CLYBL: variants seen among roughly 807,000 people sequenced by gnomAD.
CLYBL encodes citramalyl-CoA lyase, mitochondrial.
CLYBL carries 31 observed loss-of-function variants against 38.9 expected under a neutral mutation model. The observed-to-expected ratio is 0.80, with a 90% confidence interval of 0.60 to 1.08. The LOEUF is 1.08. Among genes scored for constraint, CLYBL ranks in the 50% least tolerant of loss-of-function variants. The pLI is 0.00. For missense variants in CLYBL, 434 were observed against 411.6 expected, an observed-to-expected ratio of 1.05 and a Z score of -0.47; for synonymous variants, 171 against 158.6, an observed-to-expected ratio of 1.08 and a Z score of -0.59.
intron 2 of CLYBL, among the ~76,000 whole-genome samples, chr13:99,850,383 G>A (rs140792103): frequency 1.3e-5 from 2 of 152,308 alleles, no homozygotes; most frequent in African/African-American, 4.8e-5. Context: ...AAGATAAACA[G>A]ATGGCCAATA....
chr13:99,738,880 A>G (rs1054435178), intron 1 of CLYBL, among the ~76,000 whole-genome samples: 3 of 152,146 alleles, frequency 2.0e-5, no homozygotes, highest in African/African-American at 7.2e-5. Flanking sequence ...TTCCCTGACT[A>G]GTTGGACACT....
intron 5 of CLYBL, 41 bp downstream of exon 5, chr13:99,864,952 TG>T: frequency 7.7e-7 from 1 of 1,296,362 alleles, no homozygotes; most frequent in African/African-American, 1.5e-5. Context: ...TGTGTGTGTG[TG>T]TGTATATGTG....
chr13:99,742,906 T>C (rs959462339), intron 1 of CLYBL, among the ~76,000 whole-genome samples: 5 of 152,218 alleles, frequency 3.3e-5, no homozygotes, highest in East Asian at 1.9e-4. Flanking sequence ...CTTCTGTGTT[T>C]ATTTCATTTG....
intron 2 of CLYBL, among the ~76,000 whole-genome samples, chr13:99,807,415 G>A (rs1043075637): frequency 1.3e-5 from 2 of 152,208 alleles, no homozygotes; most frequent in African/African-American, 4.8e-5. Context: ...ATTCACTGTA[G>A]CCAAAAGGTC....
intron 1 of CLYBL, 100 bp downstream of exon 1, chr13:99,606,857 A>C: frequency 7.8e-7 from 1 of 1,282,424 alleles, no homozygotes; most frequent in Non-Finnish European, 9.8e-7. Context: ...CCAAGCCCTC[A>C]CGGGAACCCA....
intron 1 of CLYBL, among the ~76,000 whole-genome samples, chr13:99,671,719 G>A (rs2047566936): frequency 6.6e-6 from 1 of 151,384 alleles, no homozygotes; most frequent in Non-Finnish European, 1.5e-5. Context: ...GGCAGAGGTT[G>A]CAGTGAGCCA....
Position 99,846,572 on chromosome 13 carries a change from G to A in CLYBL, c.250-12289G>A, listed in dbSNP as rs368313105. ...TGCCAGGAAGACTAATTAATGTGCT[G>A]CTGAATATAAAGAATCCTTGTTTGG... On this transcript the variant is annotated intron_variant, in intron 2 of 8. Coordinates refer to ENST00000339105, the MANE Select transcript of CLYBL (RefSeq NM_206808.5). Among the ~76,000 whole-genome samples, 8 of 152,230 alleles carry A rather than the reference G, an allele frequency of 5.3e-5. No individual in the cohort carries two copies. In the East Asian group the frequency reaches 1.4e-3, roughly 26 times the overall value.
chr13:99,879,161 C>T (rs983147983), intron 7 of CLYBL, among the ~76,000 whole-genome samples: 48 of 152,320 alleles, frequency 3.2e-4, no homozygotes, highest in Admixed American at 1.2e-3. Context: ...CATTGCACCC[C>T]CGACTTCCTG....
At chr13:99,727,844 G>T (rs137939940) in intron 1 of CLYBL, among the ~76,000 whole-genome samples, 1 of 152,144 alleles carries the variant, frequency 6.6e-6, no homozygotes, top group African/African-American at 2.4e-5. Context: ...TTGAGAGGCC[G>T]AGGTGGGCGG....
chr13:99,818,694 T>G (rs958395310), intron 2 of CLYBL, among the ~76,000 whole-genome samples: 1 of 152,232 alleles, frequency 6.6e-6, no homozygotes, highest in East Asian at 1.9e-4. Context: ...TTAATCCACT[T>G]GAGATTGAAA....
At chr13:99,773,121 T>C (rs2049435190) in intron 2 of CLYBL, 111 bp downstream of exon 2, 9 of 879,418 alleles carry the variant, frequency 1.0e-5, no homozygotes, top group Non-Finnish European at 1.6e-5. Context: ...CATCTTTTGC[T>C]GATTATTAAC....
At chr13:99,768,779 C>G (rs1402365770) in intron 1 of CLYBL, among the ~76,000 whole-genome samples, 2 of 152,242 alleles carry the variant, frequency 1.3e-5, no homozygotes, top group South Asian at 4.2e-4. Context: ...TCCCAAAGTG[C>G]TAGGATTACA....
At chr13:99,632,021 A>G (rs1476416283) in intron 1 of CLYBL, among the ~76,000 whole-genome samples, 3 of 152,194 alleles carry the variant, frequency 2.0e-5, no homozygotes, top group African/African-American at 7.2e-5. Flanking sequence ...GCAGGTTTGT[A>G]GCTTTAACCT....
rs1423916929 is a variant in CLYBL, at chr13:99,859,031, TC to T, written c.422del (p.Pro141LeufsTer15). On this transcript the variant is annotated frameshift_variant, in exon 3 of 9. Transcript: ENST00000339105. LOFTEE classifies it high-confidence loss of function. ...SSLMLPKVESPEEIQWFADKF... is the reference protein window; with the variant it reads ...SSLMLPKVESXEEIQWFADKF... ...GCCTGATGCTACCAAAGGTGGAAAG[TC>T]CTGAAGAAATCCAGTGGGTGAGTAG... is the stretch of plus-strand genomic sequence containing the variant. 1.9e-6 allele frequency: 3 copies of T among 1,613,022 alleles called. No individual in the cohort carries two copies. In the East Asian group the frequency reaches 6.7e-5, roughly 36 times the overall value.
At chr13:99,751,698 G>A (rs1221074380) in intron 1 of CLYBL, among the ~76,000 whole-genome samples, 1 of 152,218 alleles carries the variant, frequency 6.6e-6, no homozygotes, top group Non-Finnish European at 1.5e-5. Context: ...TGGGGCCAGA[G>A]ATTGAGTTTT....
At chr13:99,903,539 A>T (rs2052664296) in intron 8 of CLYBL, among the ~76,000 whole-genome samples, 2 of 152,180 alleles carry the variant, frequency 1.3e-5, no homozygotes, top group African/African-American at 4.8e-5. Flanking sequence ...TTCGATTTCC[A>T]TGATTTCCAC....
At chr13:99,613,303 A>G (rs1444483338) in intron 1 of CLYBL, among the ~76,000 whole-genome samples, 2 of 152,164 alleles carry the variant, frequency 1.3e-5, no homozygotes, top group Non-Finnish European at 2.9e-5. Context: ...GGAATCTGGT[A>G]AAGAAAAAAC....
At chr13:99,842,358 G>GA (rs2051103723) in intron 2 of CLYBL, among the ~76,000 whole-genome samples, 2 of 152,274 alleles carry the variant, frequency 1.3e-5, no homozygotes, top group South Asian at 2.1e-4. Context: ...AAGGGTGGGG[G>GA]AAAGGTGAGA....
intron 1 of CLYBL, among the ~76,000 whole-genome samples, chr13:99,751,902 A>C (rs962715338): frequency 6.6e-6 from 1 of 152,220 alleles, no homozygotes; most frequent in Admixed American, 6.5e-5. Context: ...AGATCAGCTC[A>C]AGGTAGGAAA....
Sources: gnomAD v4.1 joint callset for allele counts (sites outside exome capture counted in the v4.1 genomes callset) on GRCh38, gnomAD v4.1.1 for gene constraint, MANE v1.5 for transcripts, NCBI Gene and HGNC (gene_info 2026-07-23, HGNC 2026-07-21) for gene names.